Variants in EXT1 observed in about 807,000 individuals in gnomAD.
EXT1 encodes exostosin glycosyltransferase 1.
EXT1 carries 20 observed loss-of-function variants against 82.5 expected under a neutral mutation model. The ratio of observed to expected loss-of-function variants is 0.24; its 90% CI spans 0.17 to 0.35. The LOEUF (loss-of-function observed/expected upper bound fraction) is 0.35. EXT1 is among the 10% of genes least tolerant of loss of function. The pLI is 1.00. For synonymous variants in EXT1, 348 were observed against 350.8 expected, an observed-to-expected ratio of 0.99 and a Z score of 0.09; for missense variants, 757 against 936.5, an observed-to-expected ratio of 0.81 and a Z score of 2.50.
chr8:117,934,471 G>T (rs1814121549), intron 1 of EXT1, among the ~76,000 whole-genome samples: 2 of 152,194 alleles, frequency 1.3e-5, no homozygotes, highest in African/African-American at 4.8e-5. Flanking sequence ...CCAGGACGTG[G>T]TTTCCCATTG....
chr8:117,941,252 A>C (rs938826365), intron 1 of EXT1, among the ~76,000 whole-genome samples: 1 of 152,210 alleles, frequency 6.6e-6, no homozygotes, highest in African/African-American at 2.4e-5. Flanking sequence ...GAATGCCGGC[A>C]GCTCTACCAC....
chr8:117,820,147 A>G (rs946915142), intron 5 of EXT1, among the ~76,000 whole-genome samples: 4 of 152,020 alleles, frequency 2.6e-5, no homozygotes, highest in African/African-American at 7.2e-5. Context: ...CTCCCATGGT[A>G]TTTGCATGTG....
At chr8:118,103,037 C>T (rs1817750425) in intron 1 of EXT1, among the ~76,000 whole-genome samples, 1 of 152,146 alleles carries the variant, frequency 6.6e-6, no homozygotes, top group African/African-American at 2.4e-5. Flanking sequence ...CCTGTAATCC[C>T]AGCTACTCGG....
In EXT1 at chr8:117,822,522, C is replaced by A; in HGVS notation, c.1360G>T (p.Val454Leu). ...AGATAAGATGAATACTGTGGTAGTACGAACAATCCTCCAGGATGTTTGTTC... is the reference window on the plus strand; with the variant it reads ...AGATAAGATGAATACTGTGGTAGTAAGAACAATCCTCCAGGATGTTTGTTC... ...IWNKHPGGLF[V>L]LPQYSSYLGD... Residue 454 changes from valine (V) to leucine (L), a missense_variant, in exon 5 of 11, where the codon GTA becomes TTA. Val to Leu is a conservative substitution (Grantham distance 32, BLOSUM62 1). Transcript: ENST00000378204. 6.2e-7 allele frequency: 1 copy of A among 1,613,266 alleles called. No individual in the cohort carries two copies. The highest frequency in any genetic ancestry group is 8.5e-7 in the Non-Finnish European group (1 of 1,179,556).
intron 1 of EXT1, among the ~76,000 whole-genome samples, chr8:117,858,810 C>CAAGGCAGGAAGGAAGGA (rs1182184208): frequency 4.9e-4 from 17 of 34,358 alleles, no homozygotes; most frequent in Admixed American, 6.8e-4. Flanking sequence ...CAAGGCAAGG[C>CAAGGCAGGAAGGAAGGA]AGGAAGGAAG....
At chr8:117,843,685 T>C (rs1183977351) in intron 1 of EXT1, among the ~76,000 whole-genome samples, 1 of 152,128 alleles carries the variant, frequency 6.6e-6, no homozygotes, top group Non-Finnish European at 1.5e-5. Flanking sequence ...ACTGAAGGGC[T>C]TGAGCAGAAG....
intron 1 of EXT1, among the ~76,000 whole-genome samples, chr8:118,011,064 T>C (rs1815889874): frequency 6.6e-6 from 1 of 152,126 alleles, no homozygotes; most frequent in Non-Finnish European, 1.5e-5. Context: ...TGGGAAGGAC[T>C]CATCTGGTCA....
intron 1 of EXT1, among the ~76,000 whole-genome samples, chr8:118,035,574 T>C (rs922486253): frequency 3.3e-5 from 5 of 151,940 alleles, no homozygotes; most frequent in African/African-American, 9.7e-5. Context: ...TAATTTTACA[T>C]GTAAGTTCTA....
chr8:117,987,700 A>T (rs1157801716), intron 1 of EXT1, among the ~76,000 whole-genome samples: 2 of 152,238 alleles, frequency 1.3e-5, no homozygotes, highest in African/African-American at 4.8e-5. Context: ...TCCAGTAGTC[A>T]GTTTAAATTA....
chr8:117,928,864 T>C (rs561484305), intron 1 of EXT1, among the ~76,000 whole-genome samples: 45 of 152,116 alleles, frequency 3.0e-4, no homozygotes, highest in Non-Finnish European at 6.2e-4. Context: ...AGCAAGTACT[T>C]ACGACACCGA....
intron 1 of EXT1, among the ~76,000 whole-genome samples, chr8:118,020,953 A>G (rs1816093302): frequency 6.6e-6 from 1 of 152,214 alleles, no homozygotes; most frequent in African/African-American, 2.4e-5. Context: ...CCAAATCTAC[A>G]TTCTTTAATG....
In EXT1 at chr8:117,901,252, G is replaced by A. The variant is rs143875160; in HGVS notation, c.963-64051C>T. Among the ~76,000 whole-genome samples the A allele has an allele frequency of 1.3e-3, 204 of 152,344 alleles. 1 individual carries two copies. The highest frequency in any genetic ancestry group is 4.7e-3 in the African/African-American group (196 of 41,578). ...CTTCTACACACCTAGAATATATGGT[G>A]TAGCCTGTATCTCCTAGACTACAAA... On this transcript the variant is annotated intron_variant, in intron 1 of 10. Coordinates refer to ENST00000378204, the MANE Select transcript of EXT1 (RefSeq NM_000127.3).
intron 1 of EXT1, among the ~76,000 whole-genome samples, chr8:117,999,002 C>T (rs950211335): frequency 2.0e-5 from 3 of 152,134 alleles, no homozygotes; most frequent in East Asian, 1.9e-4. Flanking sequence ...GGAGTAGGCC[C>T]GTGATCAATG....
At chr8:117,810,199 C>T (rs929588026) in intron 8 of EXT1, among the ~76,000 whole-genome samples, 6 of 152,142 alleles carry the variant, frequency 3.9e-5, no homozygotes, top group Non-Finnish European at 7.3e-5. Context: ...AACTATAATG[C>T]CCTTTATAGG....
chr8:117,899,962 C>T (rs1395953797), intron 1 of EXT1, among the ~76,000 whole-genome samples: 1 of 152,118 alleles, frequency 6.6e-6, no homozygotes, highest in Non-Finnish European at 1.5e-5. Flanking sequence ...TGAAGTTCTC[C>T]GTTCAACTAC....
chr8:117,828,148 T>A (rs1812038228), intron 4 of EXT1, among the ~76,000 whole-genome samples: 1 of 152,182 alleles, frequency 6.6e-6, no homozygotes, highest in Non-Finnish European at 1.5e-5. Flanking sequence ...AAATTTTAAA[T>A]TTACATATAA....
intron 1 of EXT1, among the ~76,000 whole-genome samples, chr8:118,052,548 C>T (rs574527361): frequency 6.6e-6 from 1 of 152,266 alleles, no homozygotes; most frequent in South Asian, 2.1e-4. Flanking sequence ...ATGTGGGCAT[C>T]ATAGTCACAG....
intron 1 of EXT1, among the ~76,000 whole-genome samples, chr8:117,912,270 T>C (rs1456532876): frequency 1.3e-5 from 2 of 152,194 alleles, no homozygotes; most frequent in Non-Finnish European, 2.9e-5. Flanking sequence ...GATCTTGCCA[T>C]CATTAGAGAT....
intron 1 of EXT1, among the ~76,000 whole-genome samples, chr8:118,048,696 A>C (rs939394084): frequency 1.3e-5 from 2 of 152,238 alleles, no homozygotes; most frequent in African/African-American, 4.8e-5. Context: ...AAAAAACTGA[A>C]GATTAAAAAT....
Sources: gnomAD v4.1 joint callset for allele counts (sites outside exome capture counted in the v4.1 genomes callset) on GRCh38, gnomAD v4.1.1 for gene constraint, MANE v1.5 for transcripts, NCBI Gene and HGNC (gene_info 2026-07-23, HGNC 2026-07-21) for gene names.